Variants in GALNTL6 observed in about 807,000 individuals in gnomAD.
GALNTL6 encodes the protein polypeptide N-acetylgalactosaminyltransferase-like 6.
A neutral mutation model predicts 73.7 loss-of-function variants in GALNTL6; 46 were observed. The ratio of observed to expected loss-of-function variants is 0.62; its 90% CI spans 0.49 to 0.80. The LOEUF is 0.80. Among genes scored for constraint, GALNTL6 ranks in the 30% least tolerant of loss-of-function variants. The pLI, the probability that GALNTL6 is intolerant of heterozygous loss-of-function variation, is 0.00. For missense variants in GALNTL6, 604 were observed against 755.0 expected (o/e 0.80, Z 2.34); for synonymous variants, 259 against 263.7 (o/e 0.98, Z 0.17).
intron 5 of GALNTL6, among the ~76,000 whole-genome samples, chr4:172,662,069 C>T (rs1731406763): frequency 6.6e-6 from 1 of 152,164 alleles, no homozygotes; most frequent in South Asian, 2.1e-4. Flanking sequence ...GGATCTCAGG[C>T]CCCTTTCTAG....
At chr4:171,883,124 G>T (rs1250189934) in intron 2 of GALNTL6, among the ~76,000 whole-genome samples, 1 of 152,116 alleles carries the variant, frequency 6.6e-6, no homozygotes, top group Non-Finnish European at 1.5e-5. Flanking sequence ...GCCAAGGCAG[G>T]TATATTACCT....
intron 3 of GALNTL6, among the ~76,000 whole-genome samples, chr4:172,308,819 G>A (rs1171986047): frequency 6.6e-6 from 1 of 152,190 alleles, no homozygotes; most frequent in Non-Finnish European, 1.5e-5. Context: ...AACTATGGAA[G>A]TGCTAGTGAA....
intron 5 of GALNTL6, among the ~76,000 whole-genome samples, chr4:172,500,074 C>G (rs1734206730): frequency 1.3e-5 from 2 of 151,980 alleles, no homozygotes; most frequent in African/African-American, 2.4e-5. Flanking sequence ...CTGAGTAAAT[C>G]CCAAATATAA....
intron 5 of GALNTL6, among the ~76,000 whole-genome samples, chr4:172,509,010 C>A (rs111305079): frequency 0.029 from 1,237 of 43,094 alleles, 443 homozygotes; most frequent in East Asian, 0.21. Context: ...AGTGGCAGAT[C>A]TACTATTGGT....
At chr4:172,361,517 A>T (rs930644395) in intron 5 of GALNTL6, among the ~76,000 whole-genome samples, 1 of 152,170 alleles carries the variant, frequency 6.6e-6, no homozygotes, top group Non-Finnish European at 1.5e-5. Context: ...TTACTTTCCA[A>T]GGTTTGAAAA....
intron 11 of GALNTL6, among the ~76,000 whole-genome samples, chr4:173,019,582 A>T (rs190423543): frequency 6.6e-6 from 1 of 152,364 alleles, no homozygotes; most frequent in Admixed American, 6.5e-5. Context: ...AAATGAATCT[A>T]AAAATGTCTC....
chr4:172,084,835 A>C (rs2110928172), intron 2 of GALNTL6, among the ~76,000 whole-genome samples: 1 of 152,328 alleles, frequency 6.6e-6, no homozygotes, highest in Non-Finnish European at 1.5e-5. Context: ...TATGAGCATA[A>C]GAAGGAGAAT....
intron 2 of GALNTL6, among the ~76,000 whole-genome samples, chr4:172,043,005 T>A (rs1742128604): frequency 6.6e-6 from 1 of 151,866 alleles, no homozygotes; most frequent in Non-Finnish European, 1.5e-5. Flanking sequence ...CTTTCCAGAC[T>A]GATAATGAGT....
intron 5 of GALNTL6, among the ~76,000 whole-genome samples, chr4:172,595,530 T>C (rs1380974211): frequency 6.6e-6 from 1 of 152,090 alleles, no homozygotes; most frequent in Non-Finnish European, 1.5e-5. Flanking sequence ...TCCAGAGCAA[T>C]AGAGGGAAAC....
At chr4:172,830,887 C>A (rs942180629) in intron 7 of GALNTL6, among the ~76,000 whole-genome samples, 1 of 152,130 alleles carries the variant, frequency 6.6e-6, no homozygotes, top group African/African-American at 2.4e-5. Flanking sequence ...CAGGCGGGAG[C>A]AGTAGCGCAC....
intron 5 of GALNTL6, among the ~76,000 whole-genome samples, chr4:172,613,381 G>T (rs1259521941): frequency 6.6e-6 from 1 of 151,738 alleles, no homozygotes; most frequent in East Asian, 1.9e-4. Context: ...GGAGAGGGAG[G>T]TCTTATCGGA....
At chr4:172,533,316 ATTTTTT>A (rs34973148) in intron 5 of GALNTL6, among the ~76,000 whole-genome samples, 3 of 77,394 alleles carry the variant, frequency 3.9e-5, no homozygotes, top group Non-Finnish European at 6.6e-5. Context: ...CCCGGCCAGA[ATTTTTT>A]TTTTTTTTTT....
chr4:172,494,002 G>T (rs1174598914), intron 5 of GALNTL6, among the ~76,000 whole-genome samples: 2 of 151,882 alleles, frequency 1.3e-5, no homozygotes, highest in Non-Finnish European at 2.9e-5. Context: ...GTCTCTCTGT[G>T]TTTTTTTAAC....
intron 8 of GALNTL6, among the ~76,000 whole-genome samples, chr4:172,883,805 C>T (rs1453881242): frequency 1.3e-5 from 2 of 149,606 alleles, no homozygotes; most frequent in Admixed American, 6.7e-5. Flanking sequence ...CCCTTCTATT[C>T]CCAGCCTCTG....
intron 2 of GALNTL6, among the ~76,000 whole-genome samples, chr4:171,824,838 T>G (rs914351681): frequency 5.9e-5 from 9 of 152,180 alleles, no homozygotes; most frequent in Admixed American, 2.0e-4. Context: ...TCTTTCACTT[T>G]TTAAATTCTT....
At chr4:172,816,807 T>C (rs1741625526) in intron 7 of GALNTL6, among the ~76,000 whole-genome samples, 1 of 152,120 alleles carries the variant, frequency 6.6e-6, no homozygotes, top group Non-Finnish European at 1.5e-5. Flanking sequence ...TTGGATTGGA[T>C]ACATTTAAGA....
chr4:172,603,614 A>C (rs1350639602), intron 5 of GALNTL6, among the ~76,000 whole-genome samples: 1 of 152,248 alleles, frequency 6.6e-6, no homozygotes, highest in Non-Finnish European at 1.5e-5. Context: ...ATAGATTAAA[A>C]AATAAATAAA....
intron 5 of GALNTL6, among the ~76,000 whole-genome samples, chr4:172,385,284 G>T (rs986821506): frequency 6.6e-6 from 1 of 151,846 alleles, no homozygotes; most frequent in African/African-American, 2.4e-5. Flanking sequence ...ATAGATTATG[G>T]TTATACGTGG....
chr4:171,827,649 T>C (rs1450057140), intron 2 of GALNTL6, among the ~76,000 whole-genome samples: 1 of 152,172 alleles, frequency 6.6e-6, no homozygotes, highest in Admixed American at 6.6e-5. Context: ...TGAAATTAAA[T>C]TCCTTTCATT....
Sources: allele counts gnomAD v4.1 joint callset (sites outside exome capture counted in the v4.1 genomes callset), GRCh38; gene constraint gnomAD v4.1.1; transcripts MANE v1.5; gene names NCBI Gene and HGNC (gene_info 2026-07-23, HGNC 2026-07-21).